The following SMAD2 variants were observed in gnomAD, a reference collection of about 807,000 sequenced individuals.
SMAD2 encodes SMAD family member 2.
SMAD2 carries 8 observed loss-of-function variants against 64.4 expected under a neutral mutation model. The observed-to-expected ratio is 0.12, with a 90% CI of 0.07 to 0.22. The LOEUF is 0.22. SMAD2 is among the 10% of genes least tolerant of loss of function. SMAD2 has a pLI of 1.00. For synonymous variants in SMAD2, 203 were observed against 195.8 expected (o/e 1.04, Z -0.31); for missense variants, 289 against 561.2 (o/e 0.51, Z 4.90).
rs1325982024 is a variant in SMAD2 at position 47,859,108 on chromosome 18, G to T, written c.730+5951C>A. Reference sequence around the variant, plus strand: ...AGATATGGTGATGTTAATATGAAATGCATTTTATAATTAGGGCAAATTAAT... The same window carrying T: ...AGATATGGTGATGTTAATATGAAATTCATTTTATAATTAGGGCAAATTAAT... On this transcript the variant is annotated intron_variant, in intron 6 of 10. Transcript: ENST00000262160. 2.0e-5 allele frequency among the ~76,000 whole-genome samples: 3 copies of T among 152,022 alleles called. No homozygotes were observed. In the East Asian group the frequency reaches 5.8e-4, roughly 29 times the overall value.
intron 6 of SMAD2, among the ~76,000 whole-genome samples, chr18:47,854,102 C>A (rs911018272): frequency 7.4e-5 from 11 of 149,368 alleles, no homozygotes; most frequent in East Asian, 3.9e-4. Flanking sequence ...AAAAAAAAAA[C>A]CAGAGGCAAC....
chr18:47,883,155 A>G (rs2032706380), intron 2 of SMAD2, among the ~76,000 whole-genome samples: 1 of 152,230 alleles, frequency 6.6e-6, no homozygotes, highest in Non-Finnish European at 1.5e-5. Context: ...ATTTAAAACT[A>G]TAAAATTTTC....
Position 47,840,042 on chromosome 18 carries a change from A to T in SMAD2, c.*1785T>A. 4.3e-6 allele frequency: 1 copy of T among 233,222 alleles called. No homozygotes were observed. Among genetic ancestry groups the T allele is most frequent in the Non-Finnish European group, 8.5e-6 (1 of 118,018 alleles). The allele number at this position is 233,222 out of a possible 1,614,324, so 14.4% of individuals were successfully genotyped here. ...TCTTGTTCACCTTTACCCAAAGACT[A>T]AGAAAAGTTCCTGGTACAAACAGGT... On this transcript the variant is annotated 3_prime_UTR_variant, in exon 11 of 11. Coordinates refer to ENST00000262160, the MANE Select transcript of SMAD2 (RefSeq NM_005901.6).
intron 1 of SMAD2, among the ~76,000 whole-genome samples, chr18:47,909,679 G>T (rs1288037366): frequency 9.9e-5 from 15 of 152,194 alleles, no homozygotes; most frequent in African/African-American, 3.1e-4. Context: ...ATAAACACCG[G>T]CTGCCACAAC....
chr18:47,889,138 G>A (rs995803642), intron 2 of SMAD2, among the ~76,000 whole-genome samples: 4 of 152,112 alleles, frequency 2.6e-5, no homozygotes, highest in Admixed American at 1.3e-4. Context: ...GAAAACAACA[G>A]AACTGTAAGA....
At position 47,813,076 on chromosome 18, in the gene SMAD2, T is replaced by A. The variant is rs987812430; in HGVS notation, c.*28751A>T. Reference sequence around the variant, plus strand: ...ACCAAAAATACAAAAATTAGCCAGGTGTGGTGGCGGGCACCTGCAATCCCA... The same window carrying A: ...ACCAAAAATACAAAAATTAGCCAGGAGTGGTGGCGGGCACCTGCAATCCCA... On this transcript the variant is annotated 3_prime_UTR_variant, in exon 11 of 11. Coordinates refer to ENST00000262160, the MANE Select transcript of SMAD2 (RefSeq NM_005901.6). 1 of 151,958 alleles carries A rather than the reference T, an allele frequency of 6.6e-6. No individual in the cohort carries two copies. Among genetic ancestry groups the A allele is most frequent in the Non-Finnish European group, 1.5e-5 (1 of 68,036 alleles). The allele number at this position is 151,958 out of a possible 1,614,324, so 9.4% of individuals were successfully genotyped here.
intron 6 of SMAD2, among the ~76,000 whole-genome samples, chr18:47,861,160 A>G (rs1203941689): frequency 1.3e-5 from 2 of 152,160 alleles, no homozygotes; most frequent in African/African-American, 4.8e-5. Flanking sequence ...GTTCGAGACC[A>G]GCCTGACCAA....
chr18:47,901,012 G>C (rs182323596), intron 1 of SMAD2, among the ~76,000 whole-genome samples: 15 of 152,222 alleles, frequency 9.9e-5, no homozygotes, highest in Non-Finnish European at 1.9e-4. Flanking sequence ...ATTTCCATGT[G>C]CAAGGGAAAA....
At chr18:47,921,029 C>T (rs149908323) in intron 1 of SMAD2, among the ~76,000 whole-genome samples, 375 of 152,246 alleles carry the variant, frequency 2.5e-3, no homozygotes, top group South Asian at 4.4e-3. Context: ...GGTAGGCATG[C>T]GCCTGCAGTC....
rs1336043801 is a variant in SMAD2 at position 47,824,635 on chromosome 18, A to G, written c.*17192T>C. On this transcript the variant is annotated 3_prime_UTR_variant, in exon 11 of 11. Coordinates refer to ENST00000262160, the MANE Select transcript of SMAD2 (RefSeq NM_005901.6). The stretch of plus-strand genomic sequence containing the variant: ...CCTGAAAACTAAATTCTAGCTGATC[A>G]ATAAAATTCTTTGGTTCTACTGTAT... The G allele has an allele frequency of 2.0e-5, 3 of 152,238 alleles. No homozygotes were observed. The highest frequency in any genetic ancestry group is 2.9e-5 in the Non-Finnish European group (2 of 68,046). The allele number at this position is 152,238 out of a possible 1,614,324, so 9.4% of individuals were successfully genotyped here. A position where few individuals can be genotyped will look rare whatever the true frequency, so the allele number is the denominator to read the frequency against.
intron 6 of SMAD2, among the ~76,000 whole-genome samples, chr18:47,863,211 T>C (rs1042006924): frequency 1.3e-5 from 2 of 152,214 alleles, no homozygotes; most frequent in Non-Finnish European, 2.9e-5. Context: ...CAGAATTGTT[T>C]CTTGCCATGG....
chr18:47,894,241 T>C (rs1414088004), intron 2 of SMAD2, among the ~76,000 whole-genome samples: 2 of 152,206 alleles, frequency 1.3e-5, no homozygotes, highest in African/African-American at 4.8e-5. Flanking sequence ...CTCTGCTGTA[T>C]CACACAGCTC....
In SMAD2 at chr18:47,845,757, A is replaced by G. The variant is rs1914433154; in HGVS notation, c.1041T>C (p.Ala347=). ...AGATTGCACTATCACTTAGGCACTC[A>G]GCAAAAACTTCCCCACCTATGTAGT... The part of the protein sequence containing the change: ...RLYYIGGEVF[A]ECLSDSAIFV... The change falls in exon 9 of 11, where the codon GCT becomes GCC. Residue 347 remains alanine (A), a synonymous_variant. Transcript: ENST00000262160. 1.2e-6 allele frequency: 2 copies of G among 1,613,796 alleles called. No homozygotes were observed. The highest frequency in any genetic ancestry group is 8.5e-7 in the Non-Finnish European group (1 of 1,179,732).
In SMAD2 at chr18:47,838,174, A is replaced by G. The variant is rs1382161539; in HGVS notation, c.*3653T>C. ...TAGTCTTAAATTGACAAGGGCACAA[A>G]AAAAGTGAAATTAAAATAATTTTAA... On this transcript the variant is annotated 3_prime_UTR_variant, in exon 11 of 11. Coordinates refer to ENST00000262160, the MANE Select transcript of SMAD2 (RefSeq NM_005901.6). 6 of 233,058 alleles carry G rather than the reference A, an allele frequency of 2.6e-5. No individual in the cohort carries two copies. The highest frequency in any genetic ancestry group is 1.1e-4 in the African/African-American group (5 of 45,446). 14.4% of individuals were successfully genotyped at this position (233,058 alleles called of 1,614,324 possible). A position where few individuals can be genotyped will look rare whatever the true frequency, so the allele number is the denominator to read the frequency against.
At chr18:47,923,173 A>T (rs1217481456) in intron 1 of SMAD2, among the ~76,000 whole-genome samples, 1 of 149,596 alleles carries the variant, frequency 6.7e-6, no homozygotes, top group East Asian at 1.9e-4. Context: ...TCATTCCCAG[A>T]TTATTAAAAA....
At position 47,853,223 on chromosome 18, in the gene SMAD2, G is replaced by A. The variant is rs932698774; in HGVS notation, c.731-1896C>T. The A allele has an allele frequency of 7.6e-5, 17 of 223,816 alleles. 2 individuals carry two copies. In the South Asian group the frequency reaches 9.8e-4, roughly 13 times the overall value. The allele number at this position is 223,816 out of a possible 1,614,324, so 13.9% of individuals were successfully genotyped here. A position where few individuals can be genotyped will look rare whatever the true frequency, so the allele number is the denominator to read the frequency against. On this transcript the variant is annotated intron_variant, in intron 6 of 10. Transcript: ENST00000262160. ...CATACACCTGTAATCCCAGCTACTC[G>A]GAAGGCTAAGGCAGAAGAATGGCCG... is the stretch of plus-strand genomic sequence containing the variant.
intron 6 of SMAD2, among the ~76,000 whole-genome samples, chr18:47,862,326 A>G (rs2031246029): frequency 6.6e-6 from 1 of 152,200 alleles, no homozygotes; most frequent in African/African-American, 2.4e-5. Flanking sequence ...GGGTGGCTTA[A>G]AACAACAGAA....
chr18:47,860,211 T>A (rs1316946518), intron 6 of SMAD2, among the ~76,000 whole-genome samples: 1 of 152,078 alleles, frequency 6.6e-6, no homozygotes, highest in East Asian at 1.9e-4. Flanking sequence ...ATACACAAAA[T>A]TAAAAATGTA....
Position 47,827,805 on chromosome 18 carries a change from G to A in SMAD2, c.*14022C>T. On this transcript the variant is annotated 3_prime_UTR_variant, in exon 11 of 11. Transcript: ENST00000262160. ...TGCTCAATGTTGCCCAGGCTGGAGT[G>A]CAGTGGCACGATCTCGGCTCGCTAC... 5.2e-6 allele frequency: 1 copy of A among 191,436 alleles called. No individual in the cohort carries two copies. The highest frequency in any genetic ancestry group is 1.1e-5 in the Non-Finnish European group (1 of 94,868). The allele number at this position is 191,436 out of a possible 1,614,324, so 11.9% of individuals were successfully genotyped here. A position where few individuals can be genotyped will look rare whatever the true frequency, so the allele number is the denominator to read the frequency against.
Sources: gnomAD v4.1 joint callset for allele counts (sites outside exome capture counted in the v4.1 genomes callset) on GRCh38, gnomAD v4.1.1 for gene constraint, MANE v1.5 for transcripts, NCBI Gene and HGNC (gene_info 2026-07-23, HGNC 2026-07-21) for gene names.